Variants in MREG observed in about 807,000 individuals in gnomAD.
MREG encodes dilute suppressor protein homolog.
Under a neutral mutation model 28.5 loss-of-function variants are expected in MREG, and 31 were observed. The observed-to-expected ratio is 1.09, with a 90% CI of 0.82 to 1.47. The LOEUF is 1.47. Among genes scored for constraint, MREG ranks in the 40% most tolerant of loss-of-function variants. The pLI, the probability that MREG is intolerant of heterozygous loss-of-function variation, is 0.00. For synonymous variants in MREG, 106 were observed against 95.2 expected (o/e 1.11, Z -0.66); for missense variants, 256 against 257.4 (o/e 0.99, Z 0.04).
chr2:216,032,270 G>C (rs1250304723), intron 1 of MREG, among the ~76,000 whole-genome samples: 1 of 152,182 alleles, frequency 6.6e-6, no homozygotes. Flanking sequence ...GAAAACAAAA[G>C]CCAAATGGTC....
chr2:215,982,857 T>A (rs1693467645), intron 2 of MREG, among the ~76,000 whole-genome samples: 2 of 152,322 alleles, frequency 1.3e-5, no homozygotes, highest in Middle Eastern at 6.8e-3. Context: ...TTCATAGGGT[T>A]ACCGTGAGGA....
At chr2:216,005,170 C>G (rs1020859908) in intron 1 of MREG, among the ~76,000 whole-genome samples, 15 of 152,112 alleles carry the variant, frequency 9.9e-5, no homozygotes, top group Admixed American at 3.9e-4. Flanking sequence ...AAATGGAATA[C>G]AGTCTAAAGC....
rs1318190863 is a variant in MREG, at chr2:215,942,595, T to C, written c.*2268A>G. ...AACACACATCCAGCTGAAAAGTAAA[T>C]ACAGGAGTCTTTTAATTCCTTGTAA... On this transcript the variant is annotated 3_prime_UTR_variant, in exon 5 of 5. Transcript: ENST00000263268. 2.6e-5 allele frequency among the ~76,000 whole-genome samples: 4 copies of C among 152,226 alleles called. No homozygotes were observed. Among genetic ancestry groups the C allele is most frequent in the African/African-American group, 9.6e-5 (4 of 41,454 alleles).
chr2:216,025,828 G>T (rs1007588141), intron 1 of MREG, among the ~76,000 whole-genome samples: 3 of 152,228 alleles, frequency 2.0e-5, no homozygotes, highest in Admixed American at 6.5e-5. Flanking sequence ...AAATCCATCC[G>T]TGTGGGCAGT....
At chr2:216,032,974 G>A (rs556625562), upstream of MREG, 1 of 152,286 alleles carries the variant, frequency 6.6e-6, no homozygotes, top group Admixed American at 6.5e-5. Flanking sequence ...AGACGGGCTG[G>A]TGTTCCACAA....
Position 215,944,127 on chromosome 2 carries a change from G to A in MREG, c.*736C>T, listed in dbSNP as rs1027025234. On this transcript the variant is annotated 3_prime_UTR_variant, in exon 5 of 5. Coordinates refer to ENST00000263268, the MANE Select transcript of MREG (RefSeq NM_018000.3). ...CCTGGGTAGCTGGGATTACAAGCGC[G>A]TGCCATCACACCTGGCTAATTTTTG... 6.6e-6 allele frequency: 1 copy of A among 151,644 alleles called. No homozygotes were observed. The highest frequency in any genetic ancestry group is 1.5e-5 in the Non-Finnish European group (1 of 68,012). The allele number at this position is 151,644 out of a possible 1,614,324, so 9.4% of individuals were successfully genotyped here.
intron 2 of MREG, among the ~76,000 whole-genome samples, chr2:215,968,366 A>G (rs1693001832): frequency 6.6e-6 from 1 of 152,078 alleles, no homozygotes; most frequent in Non-Finnish European, 1.5e-5. Flanking sequence ...CAGGATAGTG[A>G]TTTTTTCAAA....
intron 1 of MREG, among the ~76,000 whole-genome samples, chr2:216,019,075 A>C (rs1694485339): frequency 6.6e-6 from 1 of 152,226 alleles, no homozygotes; most frequent in Admixed American, 6.5e-5. Flanking sequence ...TAGGCTTTAG[A>C]TGCTTAGAGC....
intron 1 of MREG, among the ~76,000 whole-genome samples, chr2:216,031,520 G>GAAGA (rs71047963): frequency 0.33 from 45,149 of 138,238 alleles, 7,533 homozygotes; most frequent in Admixed American, 0.42. Flanking sequence ...AGGAAGGAAG[G>GAAGA]GAAAAGAAAA....
At chr2:216,002,111 A>G (rs1260465738) in intron 1 of MREG, among the ~76,000 whole-genome samples, 1 of 152,192 alleles carries the variant, frequency 6.6e-6, no homozygotes, top group Non-Finnish European at 1.5e-5. Flanking sequence ...CCACCTGCTG[A>G]TGATAAATAT....
intron 2 of MREG, among the ~76,000 whole-genome samples, chr2:215,984,861 G>T (rs1278235608): frequency 6.6e-6 from 1 of 152,090 alleles, no homozygotes; most frequent in African/African-American, 2.4e-5. Flanking sequence ...AATCCCTTTC[G>T]TACTCATTGG....
At chr2:215,978,669 A>G (rs906895164) in intron 2 of MREG, among the ~76,000 whole-genome samples, 1 of 152,208 alleles carries the variant, frequency 6.6e-6, no homozygotes, top group Non-Finnish European at 1.5e-5. Flanking sequence ...GCAGCACATC[A>G]AAAAGGTTAT....
At chr2:215,974,998 T>C (rs1025185798) in intron 2 of MREG, among the ~76,000 whole-genome samples, 1 of 38,170 alleles carries the variant, frequency 2.6e-5, no homozygotes, top group Non-Finnish European at 5.5e-5. Context: ...AGAATTTTAT[T>C]TTATATGAAT....
At chr2:215,980,606 A>G (rs1043828440) in intron 2 of MREG, among the ~76,000 whole-genome samples, 3 of 152,106 alleles carry the variant, frequency 2.0e-5, no homozygotes, top group African/African-American at 7.2e-5. Context: ...GCTGTCAGCT[A>G]TTTTTTTATT....
intron 1 of MREG, among the ~76,000 whole-genome samples, chr2:216,000,237 CCAGA>C (rs1363448397): frequency 6.6e-6 from 1 of 151,910 alleles, no homozygotes; most frequent in African/African-American, 2.4e-5. Flanking sequence ...TTCTTCTGGG[CCAGA>C]CAGCCAGCTG....
chr2:216,015,166 C>T (rs1403454546), upstream of MREG, among the ~76,000 whole-genome samples: 2 of 74,294 alleles, frequency 2.7e-5, no homozygotes, highest in East Asian at 5.2e-4. Flanking sequence ...TGTGCGCGCG[C>T]GCGTGCGTGT....
At chr2:216,009,413 G>A (rs2106031988) in intron 1 of MREG, among the ~76,000 whole-genome samples, 1 of 151,990 alleles carries the variant, frequency 6.6e-6, no homozygotes, top group Non-Finnish European at 1.5e-5. Flanking sequence ...CACTGAAAAA[G>A]TTCAAAGCAA....
chr2:216,017,682 C>G (rs1425394735), upstream of MREG, among the ~76,000 whole-genome samples: 3 of 152,170 alleles, frequency 2.0e-5, no homozygotes, highest in African/African-American at 7.2e-5. Flanking sequence ...TGCTTGTTTC[C>G]AAGGCAGACC....
intron 1 of MREG, among the ~76,000 whole-genome samples, chr2:216,031,134 T>C (rs1030000309): frequency 2.0e-5 from 3 of 151,944 alleles, no homozygotes; most frequent in African/African-American, 4.8e-5. Context: ...AGGCCAGACA[T>C]GGTGGTTCAC....
Sources: gnomAD v4.1 joint callset for allele counts (sites outside exome capture counted in the v4.1 genomes callset) on GRCh38, gnomAD v4.1.1 for gene constraint, MANE v1.5 for transcripts, NCBI Gene and HGNC (gene_info 2026-07-23, HGNC 2026-07-21) for gene names.